The following ROBO2 variants were observed in gnomAD, a reference collection of about 807,000 sequenced individuals.
ROBO2 encodes the protein roundabout guidance receptor 2.
A neutral mutation model predicts 160.8 loss-of-function variants in ROBO2; 53 were observed. That is an observed-to-expected ratio of 0.33 (90% CI 0.26 to 0.41). ROBO2 has a LOEUF of 0.41. Ranked by LOEUF, ROBO2 falls within the 10% of genes least tolerant of loss-of-function variation. The pLI is 1.00. For missense variants in ROBO2, 1,577 were observed against 1,722.4 expected, an observed-to-expected ratio of 0.92 and a Z score of 1.49; for synonymous variants, 664 against 611.7, an observed-to-expected ratio of 1.09 and a Z score of -1.26.
At chr3:77,302,617 C>G (rs960861523) in intron 2 of ROBO2, among the ~76,000 whole-genome samples, 2 of 152,100 alleles carry the variant, frequency 1.3e-5, no homozygotes, top group African/African-American at 4.8e-5. Context: ...TGCCAAATTT[C>G]CAGATTTCTT....
Position 77,354,234 on chromosome 3 carries a change from C to T in ROBO2, c.389-123180C>T, listed in dbSNP as rs545518469. Among the ~76,000 whole-genome samples, 5 of 152,254 alleles carry T rather than the reference C, an allele frequency of 3.3e-5. No homozygotes were observed. The East Asian group carries it at 9.7e-4, about 29-fold the overall frequency. Reference sequence around the variant, plus strand: ...TAGTTGTTGGTCTCATGGACACTGACAATTACAATTTTTTTTTCTTTTCCA... The same window carrying T: ...TAGTTGTTGGTCTCATGGACACTGATAATTACAATTTTTTTTTCTTTTCCA... On this transcript the variant is annotated intron_variant, in intron 2 of 25. Coordinates refer to ENST00000461745, the Ensembl canonical transcript of ROBO2.
intron 2 of ROBO2, among the ~76,000 whole-genome samples, chr3:77,382,697 C>T (rs960984968): frequency 6.6e-6 from 1 of 152,204 alleles, no homozygotes; most frequent in Non-Finnish European, 1.5e-5. Context: ...TGAGTTACTT[C>T]ACTTCAAAGA....
At position 76,719,700 on chromosome 3, in the gene ROBO2, A is replaced by G. The variant is rs944573141; in HGVS notation, c.110-378314A>G. 1.8e-4 allele frequency among the ~76,000 whole-genome samples: 27 copies of G among 152,216 alleles called. 1 individual carries two copies. Among genetic ancestry groups the G allele is most frequent in the Admixed American group, 1.8e-3 (27 of 15,298 alleles). On this transcript the variant is annotated intron_variant, in intron 2 of 26. Coordinates refer to the ROBO2 transcript ENST00000487694. The stretch of plus-strand genomic sequence containing the variant: ...GGAGTTTGAGACCAGCCTGGCCAAC[A>G]TGGTGAAACCCTGTCTCGACTAAAA...
chr3:77,061,674 A>G (rs998209062), intron 1 of ROBO2, among the ~76,000 whole-genome samples: 1 of 152,124 alleles, frequency 6.6e-6, no homozygotes, highest in African/African-American at 2.4e-5. Flanking sequence ...TGTGAACCAA[A>G]TGGGGACTTA....
At chr3:77,534,336 T>C (rs2091951761) in intron 6 of ROBO2, among the ~76,000 whole-genome samples, 1 of 151,996 alleles carries the variant, frequency 6.6e-6, no homozygotes, top group Admixed American at 6.6e-5. Flanking sequence ...TTCTAATTAG[T>C]ACTTAAAATT....
intron 2 of ROBO2, among the ~76,000 whole-genome samples, chr3:77,435,498 G>A (rs1163940469): frequency 6.6e-6 from 1 of 151,816 alleles, no homozygotes; most frequent in African/African-American, 2.4e-5. Context: ...TTGAATACAG[G>A]TTTAACAATT....
chr3:76,264,225 T>A (rs1576163500), intron 2 of ROBO2, among the ~76,000 whole-genome samples: 1 of 152,172 alleles, frequency 6.6e-6, no homozygotes, highest in African/African-American at 2.4e-5. Flanking sequence ...ATCTCAGAAC[T>A]GAAAGTGAAA....
At chr3:76,864,114 C>G (rs1387974489) in intron 2 of ROBO2, among the ~76,000 whole-genome samples, 1 of 151,984 alleles carries the variant, frequency 6.6e-6, no homozygotes, top group Admixed American at 6.6e-5. Flanking sequence ...AATTGGTTCT[C>G]TCATTTAGTA....
At chr3:76,954,951 A>T (rs2079158554) in intron 2 of ROBO2, among the ~76,000 whole-genome samples, 1 of 152,222 alleles carries the variant, frequency 6.6e-6, no homozygotes, top group South Asian at 2.1e-4. Context: ...AAGCATCAGC[A>T]CTGTATCCAA....
chr3:76,550,330 C>CATGTA (rs2083339358), intron 2 of ROBO2, among the ~76,000 whole-genome samples: 1 of 111,868 alleles, frequency 8.9e-6, no homozygotes, highest in African/African-American at 2.6e-5. Flanking sequence ...TTCCAGTTAG[C>CATGTA]ATGTAGCCAA....
intron 1 of ROBO2, among the ~76,000 whole-genome samples, chr3:77,090,344 T>A (rs1441404250): frequency 2.3e-3 from 70 of 30,548 alleles, no homozygotes; most frequent in African/African-American, 0.022. Flanking sequence ...TTTTTTTTTT[T>A]TTTTTTTTTT....
intron 2 of ROBO2, among the ~76,000 whole-genome samples, chr3:76,266,613 C>A: frequency 6.6e-6 from 1 of 152,016 alleles, no homozygotes; most frequent in East Asian, 1.9e-4. Context: ...AGGGGTCATA[C>A]AGAGTAACAT....
At chr3:76,987,662 T>C (rs1303558523) in intron 2 of ROBO2, among the ~76,000 whole-genome samples, 1 of 152,214 alleles carries the variant, frequency 6.6e-6, no homozygotes, top group Non-Finnish European at 1.5e-5. Context: ...TATTTTATGT[T>C]CAAATCAGTA....
intron 16 of ROBO2, among the ~76,000 whole-genome samples, chr3:77,587,846 T>C (rs1180010815): frequency 6.6e-6 from 1 of 152,102 alleles, no homozygotes; most frequent in Non-Finnish European, 1.5e-5. Context: ...GGCATGATAT[T>C]AACATTAGAA....
At chr3:75,953,629 T>A (rs1178215463) in intron 2 of ROBO2, among the ~76,000 whole-genome samples, 1 of 151,906 alleles carries the variant, frequency 6.6e-6, no homozygotes, top group Non-Finnish European at 1.5e-5. Context: ...AAGCTTTTTA[T>A]CATTTCACAT....
intron 2 of ROBO2, among the ~76,000 whole-genome samples, chr3:76,841,944 G>A (rs1471698703): frequency 6.6e-6 from 1 of 152,148 alleles, no homozygotes; most frequent in African/African-American, 2.4e-5. Flanking sequence ...ACCAGCATAA[G>A]GGCAATCTGA....
At chr3:77,411,232 C>A (rs1463218606) in intron 2 of ROBO2, among the ~76,000 whole-genome samples, 1 of 152,174 alleles carries the variant, frequency 6.6e-6, no homozygotes, top group Non-Finnish European at 1.5e-5. Context: ...CTTGAGTCCA[C>A]AATTATCCAA....
chr3:77,207,737 G>A (rs1269797371), intron 2 of ROBO2, among the ~76,000 whole-genome samples: 1 of 152,180 alleles, frequency 6.6e-6, no homozygotes, highest in African/African-American at 2.4e-5. Flanking sequence ...TAAGCTTTTA[G>A]TGTGCAGCAG....
chr3:76,845,027 C>A, intron 2 of ROBO2, among the ~76,000 whole-genome samples: 1 of 151,874 alleles, frequency 6.6e-6, no homozygotes, highest in South Asian at 2.1e-4. Context: ...ATATTCTCTG[C>A]TGATCAAAAT....
Sources: gnomAD v4.1 joint callset for allele counts (sites outside exome capture counted in the v4.1 genomes callset) on GRCh38, gnomAD v4.1.1 for gene constraint, MANE v1.5 for transcripts, NCBI Gene and HGNC (gene_info 2026-07-23, HGNC 2026-07-21) for gene names.